The following SLC38A9 variants were observed in gnomAD, a reference collection of about 807,000 sequenced individuals.
SLC38A9 encodes solute carrier family 38 member 9.
A neutral mutation model predicts 62.3 loss-of-function variants in SLC38A9; 48 were observed. The observed-to-expected ratio is 0.77, with a 90% CI of 0.61 to 0.98. SLC38A9 has a LOEUF of 0.98. Among genes scored for constraint, SLC38A9 ranks in the 50% least tolerant of loss-of-function variants. SLC38A9 has a pLI of 0.00. For missense variants in SLC38A9, 541 were observed against 679.8 expected (o/e 0.80, Z 2.27); for synonymous variants, 204 against 227.7 (o/e 0.90, Z 0.94).
chr5:55,628,073 T>C (rs556321855), intron 14 of SLC38A9, 93 bp from the exon 15 acceptor site: 122 of 752,284 alleles, frequency 1.6e-4, no homozygotes, highest in African/African-American at 3.5e-4. Flanking sequence ...ATTCTTAACA[T>C]CGTTAAAATC....
rs533032907 is a variant in SLC38A9 at position 55,704,680 on chromosome 5, A to G, written c.-34-6688T>C. Among the ~76,000 whole-genome samples, 3 of 152,366 alleles carry G rather than the reference A, an allele frequency of 2.0e-5. No individual in the cohort carries two copies. The South Asian group carries it at 6.2e-4, about 32-fold the overall frequency. ...ATCACTCCTAAATCTCCAACAATGCATAAAAGCACTTTCAGAAAGAACTGC... is the reference window on the plus strand; with the variant it reads ...ATCACTCCTAAATCTCCAACAATGCGTAAAAGCACTTTCAGAAAGAACTGC... On this transcript the variant is annotated intron_variant, in intron 2 of 15. Transcript: ENST00000396865.
At chr5:55,686,995 A>T (rs184702497) in intron 3 of SLC38A9, among the ~76,000 whole-genome samples, 57 of 150,042 alleles carry the variant, frequency 3.8e-4, no homozygotes, top group African/African-American at 1.4e-3. Context: ...TTGTACCAGT[A>T]CCATGCTGTT....
intron 10 of SLC38A9, among the ~76,000 whole-genome samples, chr5:55,651,209 C>G (rs534903012): frequency 2.7e-4 from 40 of 148,232 alleles, no homozygotes; most frequent in African/African-American, 8.9e-4. Context: ...CCTTGGTTAG[C>G]CAGATCTGAA....
intron 12 of SLC38A9, among the ~76,000 whole-genome samples, chr5:55,645,278 T>G (rs1746138348): frequency 6.6e-6 from 1 of 152,138 alleles, no homozygotes; most frequent in South Asian, 2.1e-4. Context: ...TGGTCTCGAA[T>G]TCCTGGGCTC....
intron 8 of SLC38A9, among the ~76,000 whole-genome samples, chr5:55,658,772 A>T (rs1387379139): frequency 6.6e-6 from 1 of 152,222 alleles, no homozygotes; most frequent in Admixed American, 6.5e-5. Context: ...CATGGACAGC[A>T]TGAAAAAGAA....
At chr5:55,656,408 T>C (rs1261619822) in intron 9 of SLC38A9, among the ~76,000 whole-genome samples, 2 of 151,582 alleles carry the variant, frequency 1.3e-5, no homozygotes, top group Admixed American at 6.6e-5. Flanking sequence ...AATAGTGATA[T>C]AGATTCTTGA....
At position 55,695,757 on chromosome 5, in the gene SLC38A9, T is replaced by C. The variant is rs1206911198; in HGVS notation, c.113+2089A>G. Among the ~76,000 whole-genome samples the C allele has an allele frequency of 7.8e-4, 61 of 78,612 alleles. 15 individuals carry two copies. Among genetic ancestry groups the C allele is most frequent in the Admixed American group, 6.0e-4 (5 of 8,388 alleles). The allele number at this position is 78,612 out of a possible 152,430, so 51.6% of individuals were successfully genotyped here. On this transcript the variant is annotated intron_variant, in intron 3 of 15. Coordinates refer to ENST00000396865, the MANE Select transcript of SLC38A9 (RefSeq NM_173514.4). ...TTCCACAAAGCTGCCATTGTCATCCTGGCCCGTTCTCAATGAGCTGTTGGG... is the reference window on the plus strand; with the variant it reads ...TTCCACAAAGCTGCCATTGTCATCCCGGCCCGTTCTCAATGAGCTGTTGGG...
At position 55,626,532 on chromosome 5, in the gene SLC38A9, A is replaced by G. The variant is rs779549707; in HGVS notation, c.1648T>C (p.Leu550=). ...TGAACAATCAGGTTAGCCACGCCCA[A>G]AATGATGATGAAAACGTGGAAGATT... is the stretch of plus-strand genomic sequence containing the variant. ...KLIFHVFIII[L]GVANLIVQFF... is the part of the protein sequence containing the mutation. Residue 550 remains leucine (L), a synonymous_variant, in exon 16 of 16, where the codon TTG becomes CTG. Transcript: ENST00000396865. The G allele has an allele frequency of 1.2e-6, 2 of 1,613,748 alleles. No individual in the cohort carries two copies. The highest frequency in any genetic ancestry group is 1.7e-6 in the Non-Finnish European group (2 of 1,179,858).
intron 8 of SLC38A9, among the ~76,000 whole-genome samples, chr5:55,657,133 C>T (rs1296593460): frequency 2.6e-5 from 4 of 152,092 alleles, no homozygotes; most frequent in African/African-American, 7.2e-5. Flanking sequence ...AGTCAGTCAC[C>T]GGGCCCAGCC....
chr5:55,680,900 A>G (rs763944735), intron 3 of SLC38A9, among the ~76,000 whole-genome samples: 1 of 152,280 alleles, frequency 6.6e-6, no homozygotes, highest in Non-Finnish European at 1.5e-5. Flanking sequence ...CTGCAGATCA[A>G]TCCCAGAATA....
At chr5:55,636,909 T>G (rs1333290063) in intron 12 of SLC38A9, among the ~76,000 whole-genome samples, 2 of 152,152 alleles carry the variant, frequency 1.3e-5, no homozygotes, top group Non-Finnish European at 2.9e-5. Flanking sequence ...CGGGCACAGT[T>G]TCAAAATCAT....
rs765282489 is a variant in SLC38A9 at position 55,669,223 on chromosome 5, C to G, written c.526+5G>C. 6.2e-7 allele frequency: 1 copy of G among 1,604,262 alleles called. No homozygotes were observed. Among genetic ancestry groups the G allele is most frequent in the Non-Finnish European group, 8.5e-7 (1 of 1,173,838 alleles). On this transcript the variant is annotated splice_donor_5th_base_variant and intron_variant, in intron 7 of 15. Coordinates refer to ENST00000396865, the MANE Select transcript of SLC38A9 (RefSeq NM_173514.4). Reference sequence around the variant, plus strand: ...TAATCTATTGTCACTGTGTCAAATTCTTACACATCATAGTCCGTGATTTCA... The same window carrying G: ...TAATCTATTGTCACTGTGTCAAATTGTTACACATCATAGTCCGTGATTTCA...
At chr5:55,633,709 AT>A (rs1387023669) in intron 14 of SLC38A9, 44 bp downstream of exon 14, 1 of 1,613,362 alleles carries the variant, frequency 6.2e-7, no homozygotes, top group East Asian at 2.2e-5. Flanking sequence ...TTGCACAGTC[AT>A]TTGTTGCTTG....
intron 3 of SLC38A9, among the ~76,000 whole-genome samples, chr5:55,685,834 C>T (rs1168615534): frequency 6.6e-6 from 1 of 152,106 alleles, no homozygotes; most frequent in African/African-American, 2.4e-5. Flanking sequence ...TCTATGTGTC[C>T]ATGGTGTTCT....
intron 12 of SLC38A9, among the ~76,000 whole-genome samples, chr5:55,639,471 A>C (rs1458754928): frequency 1.3e-5 from 2 of 152,262 alleles, no homozygotes; most frequent in South Asian, 2.1e-4. Context: ...GTTTATACAG[A>C]AGAGGAGGCC....
At chr5:55,627,825 CA>C (rs1742721615) in intron 15 of SLC38A9, 65 bp downstream of exon 15, 1 of 980,942 alleles carries the variant, frequency 1.0e-6, no homozygotes, top group Non-Finnish European at 1.6e-6. Flanking sequence ...ACAACAACAA[CA>C]ACAGGAAAAG....
At chr5:55,710,194 G>T (rs1342700995) in intron 2 of SLC38A9, among the ~76,000 whole-genome samples, 2 of 138,580 alleles carry the variant, frequency 1.4e-5, no homozygotes, top group Non-Finnish European at 3.1e-5. Context: ...CAACTATATA[G>T]GTGACAACTT....
intron 3 of SLC38A9, among the ~76,000 whole-genome samples, chr5:55,694,483 C>A (rs959793131): frequency 2.4e-4 from 25 of 104,230 alleles, no homozygotes; most frequent in African/African-American, 7.6e-4. Flanking sequence ...GCACTAAGGA[C>A]AATTCTGTGT....
chr5:55,647,072 G>A (rs1202963171), intron 11 of SLC38A9, among the ~76,000 whole-genome samples: 2 of 152,210 alleles, frequency 1.3e-5, no homozygotes, highest in East Asian at 3.9e-4. Flanking sequence ...TAAAATATAT[G>A]TGTGTATATA....
Sources: allele counts gnomAD v4.1 joint callset (sites outside exome capture counted in the v4.1 genomes callset), GRCh38; gene constraint gnomAD v4.1.1; transcripts MANE v1.5; gene names NCBI Gene and HGNC (gene_info 2026-07-23, HGNC 2026-07-21).